CTSC: variants seen among roughly 807,000 people sequenced by gnomAD.
CTSC encodes the protein dipeptidyl peptidase 1.
CTSC carries 37 observed loss-of-function variants against 40.9 expected under a neutral mutation model. The observed-to-expected ratio is 0.91, with a 90% CI of 0.70 to 1.19. CTSC has a LOEUF of 1.19. CTSC is among the 50% of genes most tolerant of loss of function. CTSC has a pLI of 0.00. For synonymous variants in CTSC, 232 were observed against 207.4 expected, an observed-to-expected ratio of 1.12 and a Z score of -1.02; for missense variants, 594 against 567.3, an observed-to-expected ratio of 1.05 and a Z score of -0.48.
chr11:88,304,788 ACCATGACAGTTTAAGAATG>A (rs1937615873), intron 4 of CTSC, among the ~76,000 whole-genome samples: 3 of 152,218 alleles, frequency 2.0e-5, no homozygotes, highest in South Asian at 4.1e-4. Context: ...TCCCACCAGC[ACCATGACAGTTTAAGAATG>A]CCATGACAGG....
chr11:88,309,810 GCGCGCACACACA>G (rs1937709484), intron 3 of CTSC, among the ~76,000 whole-genome samples: 1 of 101,716 alleles, frequency 9.8e-6, no homozygotes, highest in African/African-American at 3.2e-5. Context: ...ATATATGTAT[GCGCGCACACACA>G]CACACACACA....
intron 2 of CTSC, chr11:88,324,709 C>A: frequency 2.0e-6 from 2 of 985,254 alleles, no homozygotes; most frequent in Non-Finnish European, 2.4e-6. Context: ...AGCAGAGGTA[C>A]CTGCGATATG....
chr11:88,325,132 A>G, intron 2 of CTSC: 1 of 985,380 alleles, frequency 1.0e-6, no homozygotes, highest in Non-Finnish European at 1.2e-6. Flanking sequence ...CAAGACCATT[A>G]TTCGGCAGGA....
chr11:88,312,400 T>A lies in CTSC; in HGVS notation c.473A>T (p.Asn158Ile). 3 of 1,614,170 alleles carry A rather than the reference T, an allele frequency of 1.9e-6. No individual in the cohort carries two copies. The South Asian group carries it at 3.3e-5, about 18-fold the overall frequency. The change falls in exon 3 of 7, where the codon AAT (asparagine) becomes ATT (isoleucine). Residue 158 changes from asparagine (N) to isoleucine (I), a missense_variant. Asn to Ile is a moderately radical substitution (Grantham distance 149). Coordinates refer to ENST00000227266, the MANE Select transcript of CTSC (RefSeq NM_001814.6). ...TGTAGCAACTCACTTTTCCTGAGAA[T>A]TCTTAAGGTGTGCTATGTTGACATA... ...NVYVNIAHLK[N>I]SQEKYSNRLY...
chr11:88,308,245 C>T (rs1276250462), intron 4 of CTSC, among the ~76,000 whole-genome samples: 1 of 152,216 alleles, frequency 6.6e-6, no homozygotes, highest in African/African-American at 2.4e-5. Context: ...GGGCCTTGCC[C>T]TGAAACCCAA....
chr11:88,294,221 G>T lies in CTSC; in HGVS notation c.1177C>A (p.Leu393Ile). 1 of 1,614,016 alleles carries T rather than the reference G, an allele frequency of 6.2e-7. No homozygotes were observed. Among genetic ancestry groups the T allele is most frequent in the Non-Finnish European group, 8.5e-7 (1 of 1,179,996 alleles). ...TCAAAGGGGTTGAAAGGGTCTCTTA[G>T]ACCAGTGTGGTGGTAGATCCCCTTT... ...YKKGIYHHTG[L>I]RDPFNPFELT... Residue 393 changes from leucine to isoleucine, a missense_variant, in exon 7 of 7, where the codon CTA (leucine) becomes ATA (isoleucine). Coordinates refer to ENST00000227266, the MANE Select transcript of CTSC (RefSeq NM_001814.6).
At chr11:88,300,817 G>C (rs1944352007) in intron 4 of CTSC, among the ~76,000 whole-genome samples, 172 bp from the exon 5 acceptor site, 1 of 150,972 alleles carries the variant, frequency 6.6e-6, no homozygotes, top group Non-Finnish European at 1.5e-5. Context: ...CAATGGAGTT[G>C]TGTAAATGGC....
intron 2 of CTSC, among the ~76,000 whole-genome samples, chr11:88,334,033 C>A (rs1938428972): frequency 6.6e-6 from 1 of 152,208 alleles, no homozygotes; most frequent in Non-Finnish European, 1.5e-5. Flanking sequence ...AAGTTTAGAA[C>A]TAGGCCTTTG....
In CTSC at chr11:88,326,257, G is replaced by A. The variant is rs780035308; in HGVS notation, c.318+8680C>T. Reference sequence around the variant, plus strand: ...CAGGAGGGCAGCTGCCTTGGAGGTAGGTCACCAGGACTCCTTTGCATTTTG... The same window carrying A: ...CAGGAGGGCAGCTGCCTTGGAGGTAAGTCACCAGGACTCCTTTGCATTTTG... On this transcript the variant is annotated intron_variant, in intron 2 of 6. Transcript: ENST00000227266. 4.4e-4 allele frequency: 669 copies of A among 1,535,658 alleles called. 9 individuals carry two copies. Among genetic ancestry groups the A allele is most frequent in the Non-Finnish European group, 8.1e-5 (92 of 1,141,210 alleles).
At chr11:88,326,478 C>T in intron 2 of CTSC, 1 of 1,331,082 alleles carries the variant, frequency 7.5e-7, no homozygotes, top group Non-Finnish European at 1.1e-6. Flanking sequence ...TACAAGCCAA[C>T]AAGGATCATA....
intron 4 of CTSC, among the ~76,000 whole-genome samples, chr11:88,301,136 A>G (rs1944356351): frequency 6.6e-6 from 1 of 152,148 alleles, no homozygotes; most frequent in African/African-American, 2.4e-5. Context: ...CAGGTTCTGG[A>G]GGCAGGGAAC....
chr11:88,333,712 C>A (rs1022625830), intron 2 of CTSC, among the ~76,000 whole-genome samples: 1 of 152,080 alleles, frequency 6.6e-6, no homozygotes, highest in African/African-American at 2.4e-5. Flanking sequence ...AAAAAAAATG[C>A]GTAGCATCTG....
At chr11:88,303,755 C>T (rs1428289691) in intron 4 of CTSC, among the ~76,000 whole-genome samples, 1 of 152,194 alleles carries the variant, frequency 6.6e-6, no homozygotes. Flanking sequence ...ACAGCAAGGC[C>T]TGTCCAGATT....
intron 2 of CTSC, among the ~76,000 whole-genome samples, chr11:88,327,420 C>T (rs1162503539): frequency 6.6e-6 from 1 of 152,136 alleles, no homozygotes; most frequent in East Asian, 1.9e-4. Flanking sequence ...TGTTAAAATG[C>T]AAGGAAGGGT....
At chr11:88,336,598 A>G (rs1938502910) in intron 1 of CTSC, among the ~76,000 whole-genome samples, 1 of 152,128 alleles carries the variant, frequency 6.6e-6, no homozygotes, top group Non-Finnish European at 1.5e-5. Flanking sequence ...ACAGTCAGTT[A>G]AAAAGGTATT....
chr11:88,315,566 G>A (rs1307168220), intron 2 of CTSC, among the ~76,000 whole-genome samples: 3 of 151,988 alleles, frequency 2.0e-5, no homozygotes, highest in Non-Finnish European at 4.4e-5. Context: ...ATTGTCTATG[G>A]CTACTTTTGT....
chr11:88,331,902 G>A (rs1938368719), intron 2 of CTSC, among the ~76,000 whole-genome samples: 2 of 152,082 alleles, frequency 1.3e-5, no homozygotes, highest in African/African-American at 4.8e-5. Flanking sequence ...TGTAACAAGG[G>A]TCTTGGGAGT....
At chr11:88,298,726 C>A (rs1944324855) in intron 5 of CTSC, 2 of 152,164 alleles carry the variant, frequency 1.3e-5, no homozygotes, top group East Asian at 3.8e-4. Context: ...CATCAAAGCC[C>A]TCTGTTTTGA....
intron 2 of CTSC, among the ~76,000 whole-genome samples, chr11:88,327,736 C>T (rs1435217407): frequency 6.6e-6 from 1 of 152,124 alleles, no homozygotes; most frequent in Non-Finnish European, 1.5e-5. Flanking sequence ...TTGAGGGATT[C>T]TTTTCAAGAA....
Sources: allele counts gnomAD v4.1 joint callset (sites outside exome capture counted in the v4.1 genomes callset), GRCh38; gene constraint gnomAD v4.1.1; transcripts MANE v1.5; gene names NCBI Gene and HGNC (gene_info 2026-07-23, HGNC 2026-07-21).